Variants in METTL21A observed in about 807,000 individuals in gnomAD.
The protein encoded by METTL21A is methyltransferase 21A, HSPA lysine.
A neutral mutation model predicts 20.9 loss-of-function variants in METTL21A; 22 were observed. That is an observed-to-expected ratio of 1.05 (90% confidence interval 0.75 to 1.50). The LOEUF (loss-of-function observed/expected upper bound fraction) is 1.50, where lower values mean the gene tolerates loss of function less well. Among genes scored for constraint, METTL21A ranks in the 40% most tolerant of loss-of-function variants. The pLI, the probability that METTL21A is intolerant of heterozygous loss-of-function variation, is 0.00. For missense variants in METTL21A, 271 were observed against 266.8 expected (o/e 1.02, Z -0.11); for synonymous variants, 93 against 102.0 (o/e 0.91, Z 0.53).
intron 3 of METTL21A, chr2:207,599,416 G>A (rs1408475875): frequency 5.0e-6 from 1 of 201,980 alleles, no homozygotes; most frequent in Non-Finnish European, 1.0e-5. Context: ...ATTCTCTAAA[G>A]CTTTTTTTCA....
chr2:207,601,079 G>A (rs1007208494), intron 3 of METTL21A: 1 of 187,248 alleles, frequency 5.3e-6, no homozygotes, highest in Non-Finnish European at 1.1e-5. Flanking sequence ...ATTAAAGTGA[G>A]TTTTAGAAAT....
At chr2:207,590,393 G>T (rs1253728177) in intron 3 of METTL21A, among the ~76,000 whole-genome samples, 9 of 151,322 alleles carry the variant, frequency 5.9e-5, no homozygotes, top group Non-Finnish European at 1.3e-4. Flanking sequence ...CAATTTTGTT[G>T]ATTGTTTTTA....
At chr2:207,623,663 C>T (rs987286435) in intron 2 of METTL21A, among the ~76,000 whole-genome samples, 1 of 152,110 alleles carries the variant, frequency 6.6e-6, no homozygotes, top group Admixed American at 6.6e-5. Context: ...ATCAGCCTGG[C>T]CAACATGTCG....
At chr2:207,615,781 G>T (rs2551946) in intron 3 of METTL21A, 27,598 of 151,764 alleles carry the variant, frequency 0.18, 4,089 homozygotes, top group African/African-American at 0.41. Flanking sequence ...TTACATTACT[G>T]TCATACAATT....
chr2:207,605,964 GAATTAA>G (rs1005823104), downstream of METTL21A, among the ~76,000 whole-genome samples: 16 of 152,006 alleles, frequency 1.1e-4, no homozygotes, highest in East Asian at 5.8e-4. Context: ...TTTTTTTCTG[GAATTAA>G]AATTAGAAGT....
chr2:207,612,057 A>AG (rs1290869377), downstream of METTL21A: 10 of 136,488 alleles, frequency 7.3e-5, 5 homozygotes, highest in African/African-American at 2.7e-4. Flanking sequence ...AAAAAAAAAA[A>AG]AAAAGAAAAC....
chr2:207,583,670 T>TA (rs1324769563), intron 3 of METTL21A, among the ~76,000 whole-genome samples: 3 of 152,220 alleles, frequency 2.0e-5, no homozygotes, highest in Non-Finnish European at 4.4e-5. Flanking sequence ...CCTAAGTTTT[T>TA]ATCCTTAAAT....
intron 3 of METTL21A, chr2:207,599,254 T>C (rs1176810646): frequency 2.5e-5 from 5 of 203,316 alleles, no homozygotes; most frequent in Non-Finnish European, 5.0e-5. Context: ...CGCATAGATA[T>C]GTCATTTTTA....
chr2:207,625,155 G>T (rs79220356), intron 1 of METTL21A: 34,278 of 152,064 alleles, frequency 0.23, 4,516 homozygotes, highest in African/African-American at 0.37. Context: ...GGCGAGGGGG[G>T]TCACAGGGCC....
chr2:207,624,289 G>C, exon 2 of METTL21A: 1 of 1,613,916 alleles, frequency 6.2e-7, no homozygotes, highest in Non-Finnish European at 8.5e-7. Context: ...TCTGGATCGT[G>C]TGGTTTGCAA....
downstream of METTL21A, among the ~76,000 whole-genome samples, chr2:207,604,122 G>A (rs1174663689): frequency 1.3e-5 from 2 of 152,166 alleles, no homozygotes; most frequent in East Asian, 1.9e-4. Flanking sequence ...TAAGCAAATC[G>A]GAATCGGGTC....
At chr2:207,608,104 T>C (rs1226769752), downstream of METTL21A, among the ~76,000 whole-genome samples, 2 of 152,126 alleles carry the variant, frequency 1.3e-5, no homozygotes, top group African/African-American at 4.8e-5. Flanking sequence ...TTGTATCCAC[T>C]AGTCCATGCA....
At chr2:207,584,045 A>G (rs184334358) in intron 3 of METTL21A, among the ~76,000 whole-genome samples, 1 of 152,332 alleles carries the variant, frequency 6.6e-6, no homozygotes, top group East Asian at 1.9e-4. Flanking sequence ...CATTTTATAG[A>G]TATACTGTGC....
chr2:207,590,503 G>A (rs1348538295), intron 3 of METTL21A, among the ~76,000 whole-genome samples: 1 of 151,334 alleles, frequency 6.6e-6, no homozygotes, highest in African/African-American at 2.4e-5. Context: ...GGTTTTTTTA[G>A]TTGTTCTCTT....
rs146249401 is a variant in METTL21A at position 207,601,909 on chromosome 2, T to G, written c.260-19749A>C. On this transcript the variant is annotated intron_variant, in intron 3 of 3. Transcript: ENST00000425132. Reference sequence around the variant, plus strand: ...ATATTCTTAATGTAATAATGTTGACTATTAAGTTGGCTACACAGTCACTGT... The same window carrying G: ...ATATTCTTAATGTAATAATGTTGACGATTAAGTTGGCTACACAGTCACTGT... The G allele has an allele frequency of 1.4e-5, 3 of 213,214 alleles. No individual in the cohort carries two copies. In the East Asian group the frequency reaches 2.1e-4, roughly 15 times the overall value. The allele number at this position is 213,214 out of a possible 1,614,324, so 13.2% of individuals were successfully genotyped here.
At chr2:207,624,180 CAG>C (rs760685855) in intron 2 of METTL21A, 47 bp downstream of exon 2, 8 of 1,523,758 alleles carry the variant, frequency 5.3e-6, no homozygotes, top group Non-Finnish European at 7.0e-6. Context: ...AAATAAAAGC[CAG>C]TCTTGCAAGT....
chr2:207,613,179 A>G, exon 4 of METTL21A: 1 of 1,614,092 alleles, frequency 6.2e-7, no homozygotes, highest in South Asian at 1.1e-5. Context: ...TTCATAGCGA[A>G]TTCGGCATGC....
rs555616595 is a variant in METTL21A at position 207,595,088 on chromosome 2, C to T, written c.260-12928G>A. Reference sequence around the variant, plus strand: ...TCGGCTTACTGCAACCTCTGCCTCCCGGGTTTAAGTGATTCTCCTGCCTCA... The same window carrying T: ...TCGGCTTACTGCAACCTCTGCCTCCTGGGTTTAAGTGATTCTCCTGCCTCA... On this transcript the variant is annotated intron_variant, in intron 3 of 3. Transcript: ENST00000425132. 9.3e-5 allele frequency among the ~76,000 whole-genome samples: 14 copies of T among 150,860 alleles called. No individual in the cohort carries two copies. The South Asian group carries it at 2.5e-3, about 27-fold the overall frequency.
At chr2:207,596,801 C>A in intron 3 of METTL21A, 1 of 1,222,362 alleles carries the variant, frequency 8.2e-7, no homozygotes, top group Non-Finnish European at 1.2e-6. Flanking sequence ...TTAATATATA[C>A]TAAAATGTTG....
Sources: allele counts gnomAD v4.1 joint callset (sites outside exome capture counted in the v4.1 genomes callset), GRCh38; gene constraint gnomAD v4.1.1; transcripts MANE v1.5; gene names NCBI Gene and HGNC (gene_info 2026-07-23, HGNC 2026-07-21).